STXBP5L: variants seen among roughly 807,000 people sequenced by gnomAD.
The protein encoded by STXBP5L is syntaxin-binding protein 5-like.
STXBP5L carries 65 observed loss-of-function variants against 144.5 expected under a neutral mutation model. The observed-to-expected ratio is 0.45, with a 90% CI of 0.37 to 0.55. The LOEUF (loss-of-function observed/expected upper bound fraction) is 0.55. Ranked by LOEUF, STXBP5L falls within the 20% of genes least tolerant of loss-of-function variation. The pLI, the probability that STXBP5L is intolerant of heterozygous loss-of-function variation, is 0.00. For missense variants in STXBP5L, 1,298 were observed against 1,405.5 expected, an observed-to-expected ratio of 0.92 and a Z score of 1.22; for synonymous variants, 505 against 469.6, an observed-to-expected ratio of 1.08 and a Z score of -0.97.
chr3:121,088,283 A>G (rs2042597357), intron 5 of STXBP5L, among the ~76,000 whole-genome samples: 1 of 123,952 alleles, frequency 8.1e-6, no homozygotes, highest in South Asian at 3.0e-4. Context: ...TGGGCGAAGG[A>G]CATGAACAGA....
intron 5 of STXBP5L, among the ~76,000 whole-genome samples, chr3:121,060,820 C>A (rs940295140): frequency 1.3e-5 from 2 of 152,142 alleles, no homozygotes; most frequent in Non-Finnish European, 2.9e-5. Flanking sequence ...ATGGTGATAT[C>A]CACTTTATCA....
chr3:121,059,066 G>A (rs1469733916), intron 5 of STXBP5L, among the ~76,000 whole-genome samples: 1 of 152,166 alleles, frequency 6.6e-6, no homozygotes, highest in Non-Finnish European at 1.5e-5. Context: ...GTCCTGAACA[G>A]TATTGCCTAG....
At chr3:121,355,203 C>T (rs1342239472) in intron 20 of STXBP5L, among the ~76,000 whole-genome samples, 1 of 152,118 alleles carries the variant, frequency 6.6e-6, no homozygotes, top group Non-Finnish European at 1.5e-5. Context: ...TTGTAGTGTT[C>T]TCTATATTTC....
intron 20 of STXBP5L, among the ~76,000 whole-genome samples, chr3:121,355,120 T>C (rs1353368060): frequency 6.6e-6 from 1 of 152,214 alleles, no homozygotes; most frequent in African/African-American, 2.4e-5. Context: ...GCCCTTAACA[T>C]TTTTTCCTTC....
At chr3:121,238,279 G>A (rs368314342) in intron 12 of STXBP5L, among the ~76,000 whole-genome samples, 1 of 152,096 alleles carries the variant, frequency 6.6e-6, no homozygotes. Context: ...AAGGTGAAGC[G>A]GGGCTGAGCT....
intron 20 of STXBP5L, among the ~76,000 whole-genome samples, chr3:121,345,845 T>A (rs2044943927): frequency 6.6e-6 from 1 of 152,052 alleles, no homozygotes; most frequent in Non-Finnish European, 1.5e-5. Context: ...AGACAATATA[T>A]CTAAAGGAAA....
rs143908814 is a variant in STXBP5L at position 121,120,925 on chromosome 3, T to G, written c.606-716T>G. 7.9e-5 allele frequency among the ~76,000 whole-genome samples: 12 copies of G among 151,394 alleles called. No homozygotes were observed. In the East Asian group the frequency reaches 2.3e-3, roughly 29 times the overall value. The stretch of plus-strand genomic sequence containing the variant: ...CATATTTAATCATGACATAATCATT[T>G]TCAAAGTGATGTAAGTTAAACTAGG... On this transcript the variant is annotated intron_variant, in intron 6 of 26. Coordinates refer to ENST00000471454, the MANE Select transcript of STXBP5L (RefSeq NM_001308330.2).
At chr3:121,044,048 A>G (rs1374088907) in intron 4 of STXBP5L, among the ~76,000 whole-genome samples, 4 of 152,178 alleles carry the variant, frequency 2.6e-5, no homozygotes, top group Non-Finnish European at 4.4e-5. Flanking sequence ...ATACAAATAA[A>G]ACAGGCAAAC....
At chr3:121,399,571 A>C (rs1013288287) in intron 22 of STXBP5L, among the ~76,000 whole-genome samples, 2 of 152,262 alleles carry the variant, frequency 1.3e-5, no homozygotes, top group African/African-American at 4.8e-5. Flanking sequence ...ATTAACTAAA[A>C]GTATCCCTTA....
At chr3:121,311,222 T>A (rs1483960138) in intron 19 of STXBP5L, among the ~76,000 whole-genome samples, 1 of 152,148 alleles carries the variant, frequency 6.6e-6, no homozygotes, top group Non-Finnish European at 1.5e-5. Context: ...TTACCTAGTG[T>A]TGGTGGAGAT....
chr3:121,004,972 T>G (rs968990474), intron 3 of STXBP5L, among the ~76,000 whole-genome samples: 2 of 152,220 alleles, frequency 1.3e-5, no homozygotes, highest in African/African-American at 4.8e-5. Context: ...GTTGAGGATT[T>G]TTGCATCGAT....
intron 3 of STXBP5L, among the ~76,000 whole-genome samples, chr3:120,960,004 T>C (rs1360309449): frequency 2.0e-5 from 3 of 152,060 alleles, no homozygotes; most frequent in Admixed American, 2.0e-4. Flanking sequence ...GCAATCTACC[T>C]ATCTGACAAA....
intron 5 of STXBP5L, among the ~76,000 whole-genome samples, chr3:121,046,703 A>G (rs891814346): frequency 3.3e-5 from 5 of 151,862 alleles, no homozygotes; most frequent in African/African-American, 1.2e-4. Context: ...GTTGGTGGTA[A>G]TGTCTTTTTT....
intron 3 of STXBP5L, among the ~76,000 whole-genome samples, chr3:121,011,991 A>T (rs1944809125): frequency 6.6e-6 from 1 of 151,674 alleles, no homozygotes; most frequent in Non-Finnish European, 1.5e-5. Context: ...AATCCTCCTA[A>T]TCCTAGCTAC....
At chr3:120,937,003 G>A (rs1284203829) in intron 2 of STXBP5L, among the ~76,000 whole-genome samples, 1 of 152,060 alleles carries the variant, frequency 6.6e-6, no homozygotes, top group African/African-American at 2.4e-5. Context: ...TGCTTCTCAG[G>A]TTGATTTATT....
intron 15 of STXBP5L, 48 bp downstream of exon 15, chr3:121,250,811 C>G (rs1409273797): frequency 6.6e-7 from 1 of 1,510,112 alleles, no homozygotes; most frequent in Non-Finnish European, 9.1e-7. Context: ...TTAATATTTA[C>G]TTATAGCCAG....
At chr3:121,181,133 A>C (rs1365668494) in intron 9 of STXBP5L, among the ~76,000 whole-genome samples, 1 of 139,052 alleles carries the variant, frequency 7.2e-6, no homozygotes, top group Non-Finnish European at 1.6e-5. Context: ...AGAAGAGAAA[A>C]GAAGAGAAGA....
At chr3:121,149,472 T>A (rs1170645436) in intron 7 of STXBP5L, among the ~76,000 whole-genome samples, 1 of 151,956 alleles carries the variant, frequency 6.6e-6, no homozygotes, top group Non-Finnish European at 1.5e-5. Context: ...TCTAGGATGA[T>A]TTTTAGCAAA....
rs779744219 is a variant in STXBP5L, at chr3:121,205,889, A to G, written c.878-34A>G. 3.8e-5 allele frequency: 45 copies of G among 1,175,242 alleles called. No homozygotes were observed. In the South Asian group the frequency reaches 6.5e-4, roughly 17 times the overall value. The allele number at this position is 1,175,242 out of a possible 1,614,324, so 72.8% of individuals were successfully genotyped here. ...TAATTCTTACAGATGAATATAATTT[A>G]AATTAGATTCAATTAAATATTTTTT... is the stretch of plus-strand genomic sequence containing the variant. On this transcript the variant is annotated intron_variant, in intron 9 of 26. Transcript: ENST00000471454.
Sources: gnomAD v4.1 joint callset for allele counts (sites outside exome capture counted in the v4.1 genomes callset) on GRCh38, gnomAD v4.1.1 for gene constraint, MANE v1.5 for transcripts, NCBI Gene and HGNC (gene_info 2026-07-23, HGNC 2026-07-21) for gene names.